The following DUSP19 variants were observed in gnomAD, a reference collection of about 807,000 sequenced individuals.
DUSP19 encodes the protein dual specificity protein phosphatase 19.
In DUSP19, 14 loss-of-function variants were observed where a neutral mutation model predicts 16.6. That is an observed-to-expected ratio of 0.84 (90% CI 0.56 to 1.32). The LOEUF is 1.32. Ranked by LOEUF, DUSP19 falls within the 40% of genes most tolerant of loss-of-function variation. The pLI, the probability that DUSP19 is intolerant of heterozygous loss-of-function variation, is 0.00. For synonymous variants in DUSP19, 81 were observed against 90.5 expected (o/e 0.90, Z 0.59); for missense variants, 258 against 255.9 (o/e 1.01, Z -0.06).
intron 3 of DUSP19, among the ~76,000 whole-genome samples, chr2:183,087,951 A>G (rs1356062516): frequency 6.6e-6 from 1 of 152,142 alleles, no homozygotes; most frequent in East Asian, 1.9e-4. Flanking sequence ...TTAGGTGCCC[A>G]GCACTGTTCT....
In DUSP19 at chr2:183,079,071, A is replaced by G. The variant is rs764638981; in HGVS notation, c.138A>G (p.Val46=). 5.6e-6 allele frequency: 9 copies of G among 1,614,202 alleles called. No homozygotes were observed. Among genetic ancestry groups the G allele is most frequent in the Non-Finnish European group, 7.6e-6 (9 of 1,180,040 alleles). Residue 46 remains valine, a synonymous_variant, in exon 1 of 4, where the codon GTA becomes GTG. Coordinates refer to ENST00000354221, the MANE Select transcript of DUSP19 (RefSeq NM_080876.4). Reference sequence around the variant, plus strand: ...CCAGAATTCATGTTGTGGAAGAAGTAGAGCCGAGCAGTGGGGGTGGTTGTG... The same window carrying G: ...CCAGAATTCATGTTGTGGAAGAAGTGGAGCCGAGCAGTGGGGGTGGTTGTG... ...KDARIHVVEE[V]EPSSGGGCGY...
At chr2:183,079,484 A>G (rs950756968) in intron 1 of DUSP19, among the ~76,000 whole-genome samples, 4 of 152,080 alleles carry the variant, frequency 2.6e-5, no homozygotes, top group Non-Finnish European at 4.4e-5. Context: ...ATACAGCTTG[A>G]AAAAAAAGGA....
intron 3 of DUSP19, among the ~76,000 whole-genome samples, chr2:183,087,489 G>T (rs138356316): frequency 2.3e-4 from 35 of 152,256 alleles, no homozygotes; most frequent in African/African-American, 7.9e-4. Flanking sequence ...GTGAAACTAT[G>T]CATTTTTAGC....
At chr2:183,091,421 A>C (rs1699730923) in intron 3 of DUSP19, among the ~76,000 whole-genome samples, 1 of 152,182 alleles carries the variant, frequency 6.6e-6, no homozygotes, top group African/African-American at 2.4e-5. Context: ...GAGCAGGTCC[A>C]AGCAGCGGCC....
intron 3 of DUSP19, among the ~76,000 whole-genome samples, chr2:183,087,712 C>T (rs931518048): frequency 6.6e-6 from 1 of 152,180 alleles, no homozygotes; most frequent in African/African-American, 2.4e-5. Flanking sequence ...GAAATGTCAT[C>T]ATTTTTAGTC....
chr2:183,095,007 A>G lies in DUSP19; in HGVS notation c.427-424A>G, dbSNP rs1432951384. Among the ~76,000 whole-genome samples, 3 of 152,044 alleles carry G rather than the reference A, an allele frequency of 2.0e-5. No homozygotes were observed. In the East Asian group the frequency reaches 5.8e-4, roughly 29 times the overall value. ...TAGGTTTTATGTGTACTTTACTGAT[A>G]CATTTGGCTACAAAGTTGTTAGGTT... On this transcript the variant is annotated intron_variant, in intron 3 of 3. Transcript: ENST00000354221.
chr2:183,097,663 AAGGC>A lies in DUSP19; in HGVS notation c.*2012_*2015del, dbSNP rs948371952. The A allele has an allele frequency of 6.6e-5, 10 of 152,180 alleles. No homozygotes were observed. The highest frequency in any genetic ancestry group is 2.4e-4 in the African/African-American group (10 of 41,456). The allele number at this position is 152,180 out of a possible 1,614,324, so 9.4% of individuals were successfully genotyped here. A position where few individuals can be genotyped will look rare whatever the true frequency, so the allele number is the denominator to read the frequency against. ...TACAGTGAGCTCTTTGAAGCCAACC[AAGGC>A]AGGCAGAACCCTCTTAAATATGAGA... On this transcript the variant is annotated 3_prime_UTR_variant, in exon 4 of 4. Coordinates refer to ENST00000354221, the MANE Select transcript of DUSP19 (RefSeq NM_080876.4).
At position 183,097,710 on chromosome 2, in the gene DUSP19, T is replaced by C. The variant is rs529934989; in HGVS notation, c.*2052T>C. On this transcript the variant is annotated 3_prime_UTR_variant, in exon 4 of 4. Transcript: ENST00000354221. ...ATATGAGACTGATGTATAGGTTCTC[T>C]CTATGGTCAGTATCACTGGATAAGC... 1.9e-4 allele frequency: 29 copies of C among 152,298 alleles called. No homozygotes were observed. The highest frequency in any genetic ancestry group is 1.2e-3 in the South Asian group (6 of 4,818). 9.4% of individuals were successfully genotyped at this position (152,298 alleles called of 1,614,324 possible).
chr2:183,089,920 C>T (rs575293353), intron 3 of DUSP19, among the ~76,000 whole-genome samples: 70 of 152,140 alleles, frequency 4.6e-4, no homozygotes, highest in African/African-American at 1.5e-3. Context: ...ATTACAGGTG[C>T]GCACCACCAT....
At chr2:183,091,164 G>A (rs2105504200) in intron 3 of DUSP19, among the ~76,000 whole-genome samples, 1 of 152,240 alleles carries the variant, frequency 6.6e-6, no homozygotes, top group African/African-American at 2.4e-5. Context: ...TAAGCTGTTT[G>A]TAGTTTTTTG....
chr2:183,081,560 T>G (rs1004000567), intron 1 of DUSP19, among the ~76,000 whole-genome samples: 15 of 152,210 alleles, frequency 9.9e-5, no homozygotes, highest in Non-Finnish European at 1.9e-4. Context: ...CCACCAAATT[T>G]CAATTATTTG....
chr2:183,087,663 C>CA (rs762865221), intron 3 of DUSP19, among the ~76,000 whole-genome samples: 13 of 152,122 alleles, frequency 8.5e-5, no homozygotes, highest in Non-Finnish European at 1.6e-4. Context: ...TTCTGACAGG[C>CA]AAAGTTTCTA....
At chr2:183,087,741 A>G (rs12463411) in intron 3 of DUSP19, among the ~76,000 whole-genome samples, 82,024 of 152,098 alleles carry the variant, frequency 0.54, 24,948 homozygotes, top group East Asian at 0.9. Context: ...ATTCTTACAG[A>G]CTTTATGTAA....
intron 1 of DUSP19, among the ~76,000 whole-genome samples, chr2:183,083,053 T>C (rs1470531830): frequency 6.6e-6 from 1 of 151,966 alleles, no homozygotes; most frequent in Non-Finnish European, 1.5e-5. Flanking sequence ...AAGCATGCAC[T>C]ACCATGCCTG....
Position 183,098,103 on chromosome 2 carries a change from C to T in DUSP19, c.*2445C>T, listed in dbSNP as rs1269951807. ...AGAGACAGGGTTCAACCATGTTGGT[C>T]AGGCTGGTCTCGAACTCCTGACCGC... is the stretch of plus-strand genomic sequence containing the variant. On this transcript the variant is annotated 3_prime_UTR_variant, in exon 4 of 4. Transcript: ENST00000354221. The T allele has an allele frequency of 6.6e-6, 1 of 152,122 alleles. No homozygotes were observed. The highest frequency in any genetic ancestry group is 2.4e-5 in the African/African-American group (1 of 41,418). 9.4% of individuals were successfully genotyped at this position (152,122 alleles called of 1,614,324 possible). A position where few individuals can be genotyped will look rare whatever the true frequency, so the allele number is the denominator to read the frequency against.
intron 1 of DUSP19, among the ~76,000 whole-genome samples, chr2:183,080,139 A>G (rs1347724820): frequency 3.9e-5 from 6 of 152,222 alleles, no homozygotes; most frequent in Non-Finnish European, 8.8e-5. Context: ...CCTGCTGTCC[A>G]TTGTTATACT....
At chr2:183,083,431 G>T in intron 1 of DUSP19, 77 bp from the exon 2 acceptor site, 2 of 1,332,402 alleles carry the variant, frequency 1.5e-6, no homozygotes, top group South Asian at 1.5e-5. Flanking sequence ...TTTAATAACA[G>T]AATTGCTGTA....
chr2:183,078,793 G>A lies in DUSP19; in HGVS notation c.-141G>A, dbSNP rs1160833460. On this transcript the variant is annotated 5_prime_UTR_variant, in exon 1 of 4. Coordinates refer to ENST00000354221, the MANE Select transcript of DUSP19 (RefSeq NM_080876.4). ...CGGAGCTGGACGACTCAGTCTCTTG[G>A]TCTGTGGCTGCTGCGGTTACCTGGA... 3 of 702,958 alleles carry A rather than the reference G, an allele frequency of 4.3e-6. No homozygotes were observed. The highest frequency in any genetic ancestry group is 7.1e-6 in the Non-Finnish European group (3 of 422,122). The allele number at this position is 702,958 out of a possible 1,614,324, so 43.5% of individuals were successfully genotyped here.
At chr2:183,091,614 A>T (rs537783652) in intron 3 of DUSP19, among the ~76,000 whole-genome samples, 1 of 152,334 alleles carries the variant, frequency 6.6e-6, no homozygotes, top group South Asian at 2.1e-4. Flanking sequence ...CAAACATCTG[A>T]TTGGTTGCAA....
Sources: allele counts gnomAD v4.1 joint callset (sites outside exome capture counted in the v4.1 genomes callset), GRCh38; gene constraint gnomAD v4.1.1; transcripts MANE v1.5; gene names NCBI Gene and HGNC (gene_info 2026-07-23, HGNC 2026-07-21).